Variants in SSC5D observed in about 807,000 individuals in gnomAD.
The protein encoded by SSC5D is scavenger receptor cysteine rich family member with 5 domains.
In SSC5D, 106 loss-of-function variants were observed where a neutral mutation model predicts 104.6. The ratio of observed to expected loss-of-function variants is 1.01; its 90% CI spans 0.87 to 1.19. The LOEUF (loss-of-function observed/expected upper bound fraction) is 1.19. Ranked by LOEUF, SSC5D falls within the 50% of genes most tolerant of loss-of-function variation. The pLI, the probability that SSC5D is intolerant of heterozygous loss-of-function variation, is 0.00. For synonymous variants in SSC5D, 860 were observed against 883.5 expected (o/e 0.97, Z 0.47); for missense variants, 1,993 against 2,153.8 (o/e 0.93, Z 1.48).
intron 12 of SSC5D, among the ~76,000 whole-genome samples, chr19:55,512,475 A>C (rs1018315178): frequency 1.6e-4 from 19 of 119,870 alleles, no homozygotes; most frequent in Admixed American, 8.0e-4. Flanking sequence ...GAATTAAAAT[A>C]ATAAATTCCT....
Position 55,493,851 on chromosome 19 carries a change from A to G in SSC5D, c.1152A>G (p.Pro384=). 6.5e-7 allele frequency: 1 copy of G among 1,549,352 alleles called. No individual in the cohort carries two copies. Among genetic ancestry groups the G allele is most frequent in the East Asian group, 2.4e-5 (1 of 40,858 alleles). ...RGNETALRFC[P]ARPWGQHDCH... is the part of the protein sequence containing the mutation. Reference sequence around the variant, plus strand: ...ACGAGACGGCCTTACGATTCTGCCCAGCTCGGCCCTGGGGCCAGCATGACT... The same window carrying G: ...ACGAGACGGCCTTACGATTCTGCCCGGCTCGGCCCTGGGGCCAGCATGACT... Residue 384 remains proline, a synonymous_variant, in exon 7 of 14, where the codon CCA becomes CCG. Transcript: ENST00000389623.
chr19:55,503,951 G>A lies in SSC5D; in HGVS notation c.2785+2750G>A, dbSNP rs1233325758. Among the ~76,000 whole-genome samples the A allele has an allele frequency of 6.6e-6, 1 of 152,248 alleles. No individual in the cohort carries two copies. Among genetic ancestry groups the A allele is most frequent in the Non-Finnish European group, 1.5e-5 (1 of 68,040 alleles). On this transcript the variant is annotated intron_variant, in intron 12 of 13. Coordinates refer to ENST00000389623, the MANE Select transcript of SSC5D (RefSeq NM_001144950.2). The surrounding 1 kb of genome is among the most constrained non-coding windows in gnomAD (Gnocchi z 4.0). Reference sequence around the variant, plus strand: ...GCGCGCTGCGCCTCCTGATTGGCCAGCCGGCGCATCGCCCGCAGTAATAAT... The same window carrying A: ...GCGCGCTGCGCCTCCTGATTGGCCAACCGGCGCATCGCCCGCAGTAATAAT...
In SSC5D at chr19:55,500,872, C is replaced by A; in HGVS notation, c.2617+68C>A. 1 of 1,505,082 alleles carries A rather than the reference C, an allele frequency of 6.6e-7. No individual in the cohort carries two copies. The highest frequency in any genetic ancestry group is 2.5e-5 in the East Asian group (1 of 40,450). 93.2% of individuals were successfully genotyped at this position (1,505,082 alleles called of 1,614,324 possible). ...CAGGAGAATGGAGTCAGGGTGGGGC[C>A]AGGTGACGGCACCATGGTCGACTCT... On this transcript the variant is annotated intron_variant, in intron 11 of 13. Transcript: ENST00000389623. The surrounding 1 kb of genome is among the most constrained non-coding windows in gnomAD (Gnocchi z 4.6).
intron 13 of SSC5D, among the ~76,000 whole-genome samples, chr19:55,516,227 A>G (rs10419016): frequency 0.14 from 20,506 of 151,254 alleles, 1,967 homozygotes; most frequent in African/African-American, 0.26. Context: ...GCCGGGCGCG[A>G]TGGCTCATGC....
intron 6 of SSC5D, chr19:55,492,501 A>G (rs1009531441): frequency 6.6e-6 from 1 of 152,150 alleles, no homozygotes; most frequent in Non-Finnish European, 1.5e-5. Context: ...GCGCCCGGTG[A>G]AGCTGGGAGC....
intron 12 of SSC5D, among the ~76,000 whole-genome samples, chr19:55,510,043 G>C (rs1406682583): frequency 6.6e-6 from 1 of 151,928 alleles, no homozygotes; most frequent in Non-Finnish European, 1.5e-5. Flanking sequence ...TGTCACCCAG[G>C]CTGGGGTGCA....
At chr19:55,493,994 G>GGGGGGCGT in intron 7 of SSC5D, 82 bp downstream of exon 7, 2 of 143,314 alleles carry the variant, frequency 1.4e-5, no homozygotes, top group Non-Finnish European at 2.9e-5. Context: ...GGGCGGGGGG[G>GGGGGGCGT]TCCCTACGCG....
Position 55,517,230 on chromosome 19 carries a change from C to G in SSC5D, c.2954C>G (p.Pro985Arg), listed in dbSNP as rs954002590. ...TLRVHGDTGSPRKPWPERRPP... is the reference protein window; with the variant it reads ...TLRVHGDTGSRRKPWPERRPP... ...GTCTTTCCTCCTCCTCCAGGTTCCC[C>G]GAGGAAACCGTGGCCCGAGCGCCGG... Residue 985 changes from proline to arginine, a missense_variant, in exon 14 of 14, where the codon CCG becomes CGG. Around this residue, in one of 6 missense-constraint regions of SSC5D, gnomAD observed 423 missense variants for 409.2 expected, o/e 1.03. Coordinates refer to ENST00000389623, the MANE Select transcript of SSC5D (RefSeq NM_001144950.2). 6.5e-7 allele frequency: 1 copy of G among 1,537,896 alleles called. No homozygotes were observed. Among genetic ancestry groups the G allele is most frequent in the East Asian group, 2.4e-5 (1 of 40,882 alleles).
intron 13 of SSC5D, 65 bp downstream of exon 13, chr19:55,513,237 C>A: frequency 4.3e-6 from 6 of 1,394,116 alleles, no homozygotes; most frequent in Non-Finnish European, 4.8e-6. Context: ...GAGACAGATT[C>A]CAGACTCCCC....
At chr19:55,497,762 G>A in intron 8 of SSC5D, 118 bp from the exon 9 acceptor site, 1 of 997,212 alleles carries the variant, frequency 1.0e-6, no homozygotes, top group East Asian at 2.7e-5. Flanking sequence ...ATGGATGAAT[G>A]GAGGGAAGGC....
intron 13 of SSC5D, among the ~76,000 whole-genome samples, chr19:55,514,086 G>C (rs1355505345): frequency 3.3e-5 from 5 of 152,164 alleles, no homozygotes; most frequent in African/African-American, 4.8e-5. Context: ...GTTTGATAAA[G>C]ACAATCCAGC....
At chr19:55,497,241 A>C (rs1027614636) in intron 8 of SSC5D, among the ~76,000 whole-genome samples, 1 of 152,204 alleles carries the variant, frequency 6.6e-6, no homozygotes, top group Non-Finnish European at 1.5e-5. Context: ...GAAGACCGAG[A>C]GCTTTTCAAA....
At position 55,489,662 on chromosome 19, in the gene SSC5D, G is replaced by A; in HGVS notation, c.361G>A (p.Gly121Ser). 2.0e-6 allele frequency: 3 copies of A among 1,532,028 alleles called. No individual in the cohort carries two copies. Among genetic ancestry groups the A allele is most frequent in the Non-Finnish European group, 2.6e-6 (3 of 1,143,990 alleles). The allele number at this position is 1,532,028 out of a possible 1,614,324, so 94.9% of individuals were successfully genotyped here. A position where few individuals can be genotyped will look rare whatever the true frequency, so the allele number is the denominator to read the frequency against. Residue 121 changes from glycine (G) to serine (S), a missense_variant and splice_region_variant, in exon 3 of 14, where the codon GGT (glycine) becomes AGT (serine). This residue lies in a region of SSC5D where 1,101 missense variants were observed against 1,085.0 expected (regional missense o/e 1.01). Coordinates refer to ENST00000389623, the MANE Select transcript of SSC5D (RefSeq NM_001144950.2). ...HEEDAGVVCA[G>S]QRVANSRDDS... ...GGAGGACGCGGGCGTCGTCTGCGCA[G>A]GTGAGGACACCCTGGCTGCTCCTTC...
intron 7 of SSC5D, 75 bp downstream of exon 7, chr19:55,493,987 C>CCGGG (rs1555764743): frequency 9.6e-6 from 2 of 207,566 alleles, no homozygotes; most frequent in Admixed American, 1.1e-4. Flanking sequence ...TCGGCGGGGG[C>CCGGG]GGGGGGGTCC....
At position 55,489,531 on chromosome 19, in the gene SSC5D, A is replaced by G. The variant is rs1236345115; in HGVS notation, c.230A>G (p.Glu77Gly). ...LAAPGGAFFGEGAGPVWLSEL... is the reference protein window; with the variant it reads ...LAAPGGAFFGGGAGPVWLSEL... The stretch of plus-strand genomic sequence containing the variant: ...GCCCCGGGAGGCGCCTTCTTCGGGG[A>G]GGGGGCAGGGCCTGTGTGGCTCAGC... Residue 77 changes from glutamate to glycine, a missense_variant, in exon 3 of 14, where the codon GAG becomes GGG. Glu to Gly is a moderately conservative substitution (Grantham distance 98, BLOSUM62 -2). Around this residue, in one of 6 missense-constraint regions of SSC5D, gnomAD observed 1,101 missense variants for 1,085.0 expected, o/e 1.01. Coordinates refer to ENST00000389623, the MANE Select transcript of SSC5D (RefSeq NM_001144950.2). 1 of 1,468,330 alleles carries G rather than the reference A, an allele frequency of 6.8e-7. No homozygotes were observed. The highest frequency in any genetic ancestry group is 9.0e-7 in the Non-Finnish European group (1 of 1,117,268). 91.0% of individuals were successfully genotyped at this position (1,468,330 alleles called of 1,614,324 possible). A position where few individuals can be genotyped will look rare whatever the true frequency, so the allele number is the denominator to read the frequency against.
intron 8 of SSC5D, 136 bp from the exon 9 acceptor site, chr19:55,497,744 A>T: frequency 2.3e-6 from 2 of 852,914 alleles, no homozygotes; most frequent in Non-Finnish European, 3.5e-6. Flanking sequence ...TGCTGCCTGG[A>T]GGAAAGGATG....
chr19:55,494,792 C>T lies in SSC5D; in HGVS notation c.1387+9C>T, dbSNP rs1987266470. ...GCCTGGACCGGAAGCCGGTGAGTCC[C>T]TCCATGCTCCCCAAGAAAACAGGGT... On this transcript the variant is annotated intron_variant, in intron 8 of 13. Coordinates refer to ENST00000389623, the MANE Select transcript of SSC5D (RefSeq NM_001144950.2). 1.3e-6 allele frequency: 2 copies of T among 1,529,810 alleles called. No individual in the cohort carries two copies. Among genetic ancestry groups the T allele is most frequent in the East Asian group, 2.5e-5 (1 of 40,118 alleles). 94.8% of individuals were successfully genotyped at this position (1,529,810 alleles called of 1,614,324 possible). A position where few individuals can be genotyped will look rare whatever the true frequency, so the allele number is the denominator to read the frequency against.
chr19:55,516,514 C>A (rs959122444), intron 13 of SSC5D, among the ~76,000 whole-genome samples: 4 of 148,196 alleles, frequency 2.7e-5, no homozygotes, highest in African/African-American at 5.1e-5. Context: ...AAAAAAAAGT[C>A]ACTGAAGACA....
At chr19:55,516,452 A>G (rs4801169) in intron 13 of SSC5D, among the ~76,000 whole-genome samples, 116,546 of 150,670 alleles carry the variant, frequency 0.77, 45,363 homozygotes, top group African/African-American at 0.81. Context: ...AGCCGAGATC[A>G]CGCCACTGCA....
Sources: allele counts gnomAD v4.1 joint callset (sites outside exome capture counted in the v4.1 genomes callset), GRCh38; gene constraint gnomAD v4.1.1; regional missense constraint gnomAD v4.1.1; non-coding constraint Gnocchi (gnomAD v3.1); transcripts MANE v1.5; gene names NCBI Gene and HGNC (gene_info 2026-07-23, HGNC 2026-07-21).